The following DCTD variants were observed in gnomAD, a reference collection of about 807,000 sequenced individuals.
DCTD encodes dCMP deaminase, also known as deoxycytidylate deaminase.
In DCTD, 23 loss-of-function variants were observed where a neutral mutation model predicts 21.0. The ratio of observed to expected loss-of-function variants is 1.09; its 90% CI spans 0.79 to 1.55. The LOEUF is 1.55. Ranked by LOEUF, DCTD falls within the 40% of genes most tolerant of loss-of-function variation. The probability of loss-of-function intolerance (pLI) is 0.00; values close to 1 mark genes in which losing one functional copy is unlikely to be tolerated. For missense variants in DCTD, 224 were observed against 230.0 expected, an observed-to-expected ratio of 0.97 and a Z score of 0.17; for synonymous variants, 71 against 81.1, an observed-to-expected ratio of 0.88 and a Z score of 0.67.
chr4:182,917,590 G>A, upstream of DCTD: 1 of 185,356 alleles, frequency 5.4e-6, no homozygotes, highest in Non-Finnish European at 1.1e-5. The surrounding 1 kb of genome is among the most constrained non-coding windows in gnomAD (Gnocchi z 4.9). Flanking sequence ...GGCCGGCGGT[G>A]TTCAGAGCCC....
chr4:182,897,957 C>T (rs947039612), intron 3 of DCTD, among the ~76,000 whole-genome samples: 2 of 152,242 alleles, frequency 1.3e-5, no homozygotes, highest in Admixed American at 6.5e-5. Flanking sequence ...TCCCCCAGGC[C>T]GCCCTGTACC....
At position 182,915,522 on chromosome 4, in the gene DCTD, G is replaced by A. The variant is rs1263550784; in HGVS notation, c.47C>T (p.Pro16Leu). The A allele has an allele frequency of 1.2e-6, 2 of 1,613,674 alleles. No homozygotes were observed. The highest frequency in any genetic ancestry group is 4.5e-5 in the East Asian group (2 of 44,900). Reference sequence around the variant, plus strand: ...GAAGGCCACAGCCATAAAATACTCTGGCCATTCCAAATAGTCGTCCCGTTT... The same window carrying A: ...GAAGGCCACAGCCATAAAATACTCTAGCCATTCCAAATAGTCGTCCCGTTT... ...CKKRDDYLEW[P>L]EYFMAVAFLS... is the part of the protein sequence containing the mutation. Residue 16 changes from proline (P) to leucine (L), a missense_variant, in exon 2 of 6, where the codon CCA (proline) becomes CTA (leucine). Pro to Leu is a moderately conservative substitution (Grantham distance 98, BLOSUM62 -3). Coordinates refer to ENST00000438320, the MANE Select transcript of DCTD (RefSeq NM_001921.3).
chr4:182,915,637 G>A (rs1738604888), intron 1 of DCTD, 62 bp from the exon 2 acceptor site: 15 of 1,147,622 alleles, frequency 1.3e-5, no homozygotes, highest in Non-Finnish European at 2.0e-5. Context: ...CTGTTTTCCA[G>A]TTCAACCCAA....
intron 3 of DCTD, among the ~76,000 whole-genome samples, chr4:182,900,693 T>C (rs1579702890): frequency 6.6e-6 from 1 of 152,138 alleles, no homozygotes; most frequent in Non-Finnish European, 1.5e-5. Context: ...AGTACATATA[T>C]ATTTGATAAG....
chr4:182,891,337 G>T lies in DCTD; in HGVS notation c.*62C>A. Reference sequence around the variant, plus strand: ...AGTTATGTGTAACTTCAAGATGAAAGGCATTAGCAACCTCTTAGAAGACGA... The same window carrying T: ...AGTTATGTGTAACTTCAAGATGAAATGCATTAGCAACCTCTTAGAAGACGA... On this transcript the variant is annotated 3_prime_UTR_variant, in exon 6 of 6. Coordinates refer to ENST00000438320, the MANE Select transcript of DCTD (RefSeq NM_001921.3). 1 of 1,140,074 alleles carries T rather than the reference G, an allele frequency of 8.8e-7. No individual in the cohort carries two copies. Among genetic ancestry groups the T allele is most frequent in the Non-Finnish European group, 1.3e-6 (1 of 752,544 alleles). The allele number at this position is 1,140,074 out of a possible 1,614,324, so 70.6% of individuals were successfully genotyped here.
At chr4:182,900,166 C>G (rs760402227) in intron 3 of DCTD, among the ~76,000 whole-genome samples, 1 of 152,062 alleles carries the variant, frequency 6.6e-6, no homozygotes, top group Non-Finnish European at 1.5e-5. Context: ...AATAAAAAAA[C>G]TTAGCCAGGT....
At chr4:182,907,127 A>G (rs1395029866) in intron 3 of DCTD, among the ~76,000 whole-genome samples, 1 of 152,112 alleles carries the variant, frequency 6.6e-6, no homozygotes, top group Non-Finnish European at 1.5e-5. Flanking sequence ...TCACTTAGAC[A>G]TAGGATCTTT....
chr4:182,905,839 G>C (rs936737465), intron 3 of DCTD, among the ~76,000 whole-genome samples: 2 of 152,134 alleles, frequency 1.3e-5, no homozygotes, highest in African/African-American at 4.8e-5. Context: ...GCGCTCATGG[G>C]CACCTCAGCC....
chr4:182,904,477 T>C (rs1408837977), intron 3 of DCTD, among the ~76,000 whole-genome samples: 1 of 152,104 alleles, frequency 6.6e-6, no homozygotes, highest in Non-Finnish European at 1.5e-5. Flanking sequence ...TAATAGCGTT[T>C]AGAGGGGAAC....
In DCTD at chr4:182,917,153, C is replaced by G. The variant is rs1300210532; in HGVS notation, c.-8+158G>C. 3.0e-6 allele frequency: 3 copies of G among 988,510 alleles called. No individual in the cohort carries two copies. Among genetic ancestry groups the G allele is most frequent in the African/African-American group, 1.7e-5 (1 of 57,214 alleles). 61.2% of individuals were successfully genotyped at this position (988,510 alleles called of 1,614,324 possible). ...GCGCCCCCACCCCGCCCGCATTCTC[C>G]GATCTAAAGGCTGAGCGCGGCCGAG... On this transcript the variant is annotated intron_variant, in intron 1 of 5. Coordinates refer to ENST00000438320, the MANE Select transcript of DCTD (RefSeq NM_001921.3). The surrounding 1 kb of genome is among the most constrained non-coding windows in gnomAD (Gnocchi z 4.9).
At chr4:182,906,292 G>GA (rs1736704879) in intron 3 of DCTD, among the ~76,000 whole-genome samples, 1 of 150,438 alleles carries the variant, frequency 6.6e-6, no homozygotes, top group African/African-American at 2.4e-5. Context: ...CATTAAAAAA[G>GA]AAAAAAAAAG....
At chr4:182,901,533 G>A (rs1219847269) in intron 3 of DCTD, among the ~76,000 whole-genome samples, 3 of 152,322 alleles carry the variant, frequency 2.0e-5, no homozygotes, top group South Asian at 2.1e-4. Flanking sequence ...TGGAGTGCCT[G>A]CTGCCACTGA....
chr4:182,907,417 C>G (rs989741303), intron 3 of DCTD, among the ~76,000 whole-genome samples: 1 of 152,164 alleles, frequency 6.6e-6, no homozygotes, highest in Non-Finnish European at 1.5e-5. Flanking sequence ...GGATTACAGG[C>G]GTGCACTCCA....
chr4:182,915,158 G>A, intron 2 of DCTD, 100 bp from the exon 3 acceptor site: 1 of 1,447,784 alleles, frequency 6.9e-7, no homozygotes, highest in Non-Finnish European at 9.6e-7. Flanking sequence ...ACTCAAAACA[G>A]ACGCATAGCT....
chr4:182,914,101 G>C (rs778482671), intron 3 of DCTD, among the ~76,000 whole-genome samples: 16 of 152,154 alleles, frequency 1.1e-4, no homozygotes, highest in Non-Finnish European at 2.2e-4. Context: ...TCCACCTCCT[G>C]AGTTCAAGCG....
At chr4:182,916,997 C>T in intron 1 of DCTD, 2 of 990,418 alleles carry the variant, frequency 2.0e-6, no homozygotes, top group Non-Finnish European at 2.4e-6. Flanking sequence ...CCAACCCACA[C>T]ACGGGCGCAG....
At chr4:182,891,546 A>G in intron 5 of DCTD, 69 bp from the exon 6 acceptor site, 7 of 1,114,542 alleles carry the variant, frequency 6.3e-6, no homozygotes, top group Non-Finnish European at 9.5e-6. Flanking sequence ...CTTTGGCTTA[A>G]CTCATATTTT....
intron 1 of DCTD, chr4:182,916,727 T>C (rs938003362): frequency 9.3e-7 from 1 of 1,069,572 alleles, no homozygotes; most frequent in Non-Finnish European, 1.1e-6. Flanking sequence ...AAGTACCTAC[T>C]AAATAGGAGG....
rs1279716643 is a variant in DCTD at position 182,915,515 on chromosome 4, A to G, written c.54T>C (p.Tyr18=). 1 of 1,613,990 alleles carries G rather than the reference A, an allele frequency of 6.2e-7. No homozygotes were observed. The stretch of plus-strand genomic sequence containing the variant: ...CTGATAAGAAGGCCACAGCCATAAA[A>G]TACTCTGGCCATTCCAAATAGTCGT... ...KRDDYLEWPE[Y]FMAVAFLSAQ... The change falls in exon 2 of 6, where the codon TAT becomes TAC. Residue 18 remains tyrosine, a synonymous_variant. Coordinates refer to ENST00000438320, the MANE Select transcript of DCTD (RefSeq NM_001921.3).
Sources: gnomAD v4.1 joint callset for allele counts (sites outside exome capture counted in the v4.1 genomes callset) on GRCh38, gnomAD v4.1.1 for gene constraint, Gnocchi (gnomAD v3.1) non-coding constraint, MANE v1.5 for transcripts, NCBI Gene and HGNC (gene_info 2026-07-23, HGNC 2026-07-21) for gene names.